The following ADGRL2 variants were observed in gnomAD, a reference collection of about 807,000 sequenced individuals.
ADGRL2 encodes the protein adhesion G protein-coupled receptor L2.
ADGRL2 carries 44 observed loss-of-function variants against 157.4 expected under a neutral mutation model. That is an observed-to-expected ratio of 0.28 (90% CI 0.22 to 0.36). The LOEUF is 0.36. ADGRL2 is among the 10% of genes least tolerant of loss of function. The probability of loss-of-function intolerance (pLI) is 1.00; values close to 1 mark genes in which losing one functional copy is unlikely to be tolerated. For synonymous variants in ADGRL2, 585 were observed against 624.7 expected, an observed-to-expected ratio of 0.94 and a Z score of 0.95; for missense variants, 1,510 against 1,768.9, an observed-to-expected ratio of 0.85 and a Z score of 2.63.
chr1:81,323,098 T>A (rs1660642749), intron 1 of ADGRL2, among the ~76,000 whole-genome samples: 1 of 152,158 alleles, frequency 6.6e-6, no homozygotes. Context: ...TCTCAAGTGA[T>A]CTACCCAACT....
At chr1:81,747,642 T>C (rs2085342891) in intron 1 of ADGRL2, among the ~76,000 whole-genome samples, 1 of 152,002 alleles carries the variant, frequency 6.6e-6, no homozygotes, top group Admixed American at 6.6e-5. Flanking sequence ...AAAATGATAA[T>C]ATAGGATGTA....
chr1:81,836,370 C>G (rs1283686759), intron 1 of ADGRL2, among the ~76,000 whole-genome samples: 1 of 152,036 alleles, frequency 6.6e-6, no homozygotes. Context: ...TTGGGAAATG[C>G]CTTCATTTTA....
At chr1:81,329,812 T>C (rs1661151484) in intron 1 of ADGRL2, among the ~76,000 whole-genome samples, 2 of 152,166 alleles carry the variant, frequency 1.3e-5, no homozygotes, top group South Asian at 4.1e-4. Context: ...GGAAAATTGC[T>C]GGTTTCACAC....
chr1:81,838,581 G>A (rs193063243), intron 2 of ADGRL2, among the ~76,000 whole-genome samples: 67 of 152,068 alleles, frequency 4.4e-4, no homozygotes, highest in Admixed American at 9.2e-4. Flanking sequence ...TTTACATCTC[G>A]TTTTTGGGGA....
At chr1:81,372,955 A>G (rs796885932) in intron 1 of ADGRL2, among the ~76,000 whole-genome samples, 6 of 152,254 alleles carry the variant, frequency 3.9e-5, no homozygotes, top group African/African-American at 1.2e-4. Context: ...GCATCATCAC[A>G]TTTATTCAAA....
chr1:81,536,160 T>C (rs897864726), intron 2 of ADGRL2, among the ~76,000 whole-genome samples: 2 of 152,204 alleles, frequency 1.3e-5, no homozygotes, highest in East Asian at 3.8e-4. Context: ...AATTACAAGT[T>C]TGAATAAACA....
intron 3 of ADGRL2, among the ~76,000 whole-genome samples, chr1:81,689,375 A>T (rs1333136275): frequency 6.6e-6 from 1 of 152,140 alleles, no homozygotes; most frequent in Non-Finnish European, 1.5e-5. Flanking sequence ...GTTATATTTG[A>T]GGTACTTTTG....
intron 2 of ADGRL2, among the ~76,000 whole-genome samples, chr1:81,901,771 C>T (rs1351284363): frequency 6.6e-6 from 1 of 152,014 alleles, no homozygotes; most frequent in Admixed American, 6.6e-5. Flanking sequence ...TTCAAAGTTC[C>T]TTTAAAGTAG....
chr1:81,354,289 T>C (rs1663121708), intron 1 of ADGRL2, among the ~76,000 whole-genome samples: 2 of 152,204 alleles, frequency 1.3e-5, no homozygotes, highest in African/African-American at 2.4e-5. Flanking sequence ...TCAAGGACAC[T>C]TAACTAGTTA....
At position 81,882,301 on chromosome 1, in the gene ADGRL2, A is replaced by T. The variant is rs181075496; in HGVS notation, c.74-24716A>T. 8.5e-5 allele frequency among the ~76,000 whole-genome samples: 13 copies of T among 152,302 alleles called. No homozygotes were observed. The East Asian group carries it at 2.5e-3, about 29-fold the overall frequency. ...GCAGACCTATTGAAGAATTTGGTTT[A>T]TGCCAAATATACTACTAATAATTTA... On this transcript the variant is annotated intron_variant, in intron 2 of 23. Transcript: ENST00000686636.
At chr1:81,433,040 A>C (rs982360531) in intron 1 of ADGRL2, among the ~76,000 whole-genome samples, 2 of 152,022 alleles carry the variant, frequency 1.3e-5, no homozygotes, top group Admixed American at 6.6e-5. Context: ...CTGGCTGAAC[A>C]ACTTACTGTT....
rs190666362 is a variant in ADGRL2, at chr1:81,560,726, G to C, written c.-247-20150G>C. Among the ~76,000 whole-genome samples, 5 of 152,278 alleles carry C rather than the reference G, an allele frequency of 3.3e-5. No homozygotes were observed. The South Asian group carries it at 1.0e-3, about 32-fold the overall frequency. On this transcript the variant is annotated intron_variant, in intron 2 of 24. Transcript: ENST00000370721. Reference sequence around the variant, plus strand: ...AGGAAGAGAAAGAAATGGAGGAGGAGGGGGAGCGGGCCGCAGAAGAGGCAA... The same window carrying C: ...AGGAAGAGAAAGAAATGGAGGAGGACGGGGAGCGGGCCGCAGAAGAGGCAA...
chr1:81,811,715 G>C (rs893292654), intron 1 of ADGRL2, among the ~76,000 whole-genome samples: 1 of 151,494 alleles, frequency 6.6e-6, no homozygotes, highest in Non-Finnish European at 1.5e-5. Flanking sequence ...ATACTCTCCA[G>C]GTGTAAATTT....
chr1:81,949,664 C>T (rs1388643196), intron 6 of ADGRL2, among the ~76,000 whole-genome samples: 1 of 152,194 alleles, frequency 6.6e-6, no homozygotes, highest in Non-Finnish European at 1.5e-5. Context: ...GCTGATCATG[C>T]TCAGGCAAGA....
At chr1:81,311,900 T>C (rs1342706376) in intron 1 of ADGRL2, among the ~76,000 whole-genome samples, 1 of 152,078 alleles carries the variant, frequency 6.6e-6, no homozygotes, top group East Asian at 1.9e-4. Flanking sequence ...TACAGAAATA[T>C]AGAAGACAGT....
intron 1 of ADGRL2, among the ~76,000 whole-genome samples, chr1:81,337,300 A>G (rs2100737833): frequency 6.6e-6 from 1 of 152,218 alleles, no homozygotes; most frequent in Non-Finnish European, 1.5e-5. Context: ...AAGCTAAAAG[A>G]GCGCACTGGA....
At chr1:81,538,114 G>T (rs367688338) in intron 2 of ADGRL2, among the ~76,000 whole-genome samples, 6 of 152,240 alleles carry the variant, frequency 3.9e-5, no homozygotes, top group African/African-American at 1.4e-4. Context: ...TTTTGGGCTT[G>T]GGTATTTAAC....
At chr1:81,558,751 T>C (rs1438865885) in intron 2 of ADGRL2, among the ~76,000 whole-genome samples, 1 of 152,210 alleles carries the variant, frequency 6.6e-6, no homozygotes, top group Admixed American at 6.5e-5. Flanking sequence ...GTTATTCTCA[T>C]TTCATACCCC....
At chr1:81,476,160 T>A (rs1459963668) in intron 2 of ADGRL2, among the ~76,000 whole-genome samples, 1 of 148,268 alleles carries the variant, frequency 6.7e-6, no homozygotes, top group African/African-American at 2.5e-5. Context: ...AGAGCATAAG[T>A]GACAGAGAGA....
Sources: allele counts gnomAD v4.1 joint callset (sites outside exome capture counted in the v4.1 genomes callset), GRCh38; gene constraint gnomAD v4.1.1; transcripts MANE v1.5; gene names NCBI Gene and HGNC (gene_info 2026-07-23, HGNC 2026-07-21).